The following TRIP12 variants were observed in gnomAD, a reference collection of about 807,000 sequenced individuals.
TRIP12 encodes thyroid hormone receptor interactor 12.
TRIP12 carries 25 observed loss-of-function variants against 244.2 expected under a neutral mutation model. That is an observed-to-expected ratio of 0.10 (90% confidence interval 0.07 to 0.14). The LOEUF is 0.14. Ranked by LOEUF, TRIP12 falls within the 10% of genes least tolerant of loss-of-function variation. The pLI is 1.00. For synonymous variants in TRIP12, 905 were observed against 873.1 expected (o/e 1.04, Z -0.64); for missense variants, 1,677 against 2,486.4 (o/e 0.67, Z 6.92).
chr2:229,792,701 G>T (rs2041856402), intron 27 of TRIP12, among the ~76,000 whole-genome samples: 1 of 152,140 alleles, frequency 6.6e-6, no homozygotes, highest in Admixed American at 6.5e-5. Context: ...CTATGAAGCA[G>T]AAAGGTCTAA....
intron 21 of TRIP12, among the ~76,000 whole-genome samples, chr2:229,801,390 T>G (rs762501454): frequency 3.9e-5 from 6 of 152,220 alleles, no homozygotes; most frequent in East Asian, 3.8e-4. Flanking sequence ...CTACCTGAGT[T>G]GGCTGCCTGC....
At chr2:229,833,416 T>C (rs1182171348) in intron 6 of TRIP12, among the ~76,000 whole-genome samples, 1 of 152,136 alleles carries the variant, frequency 6.6e-6, no homozygotes, top group Non-Finnish European at 1.5e-5. Flanking sequence ...GCCTCCTGAG[T>C]AGCTGGTACC....
rs150612916 is a variant in TRIP12 at position 229,805,425 on chromosome 2, G to A, written c.2650+305C>T. ...GCAGGAAGGTATAAAATACAAGGTTGGAAAGAACTAGTCAATGGATCTAAA... is the reference window on the plus strand; with the variant it reads ...GCAGGAAGGTATAAAATACAAGGTTAGAAAGAACTAGTCAATGGATCTAAA... On this transcript the variant is annotated intron_variant, in intron 18 of 41. Coordinates refer to ENST00000675903, the MANE Select transcript of TRIP12 (RefSeq NM_001348323.3). Among the ~76,000 whole-genome samples the A allele has an allele frequency of 2.3e-4, 35 of 152,040 alleles. No homozygotes were observed. The East Asian group carries it at 5.8e-3, about 25-fold the overall frequency.
Position 229,769,161 on chromosome 2 carries a change from G to A in TRIP12, c.5903+70C>T, listed in dbSNP as rs1053523688. On this transcript the variant is annotated intron_variant, in intron 40 of 41. Transcript: ENST00000675903. ...TTGTTGTTTACACATGTGCGCATGT[G>A]TGTGTACACACACACCCCTCTCCAC... is the stretch of plus-strand genomic sequence containing the variant. 3.7e-5 allele frequency: 51 copies of A among 1,363,426 alleles called. No homozygotes were observed. The Middle Eastern group carries it at 7.3e-4, about 19-fold the overall frequency. 84.5% of individuals were successfully genotyped at this position (1,363,426 alleles called of 1,614,324 possible). A position where few individuals can be genotyped will look rare whatever the true frequency, so the allele number is the denominator to read the frequency against.
chr2:229,796,817 T>G, intron 24 of TRIP12, 35 bp from the exon 25 acceptor site: 1 of 1,513,340 alleles, frequency 6.6e-7, no homozygotes, highest in Non-Finnish European at 8.8e-7. Flanking sequence ...CTATATTGAT[T>G]TAAGCAGCAC....
In TRIP12 at chr2:229,810,888, A is replaced by G. The variant is rs1182129623; in HGVS notation, c.2213T>C (p.Met738Thr). Residue 738 changes from methionine (M) to threonine (T), a missense_variant, in exon 15 of 42, where the codon ATG becomes ACG. By Grantham distance (81) the Met-to-Thr change is moderately conservative (BLOSUM62 -1). Coordinates refer to ENST00000675903, the MANE Select transcript of TRIP12 (RefSeq NM_001348323.3). Reference sequence around the variant, plus strand: ...AGTAAATTTGCACTTACTTTGTTTCATAAGTTGAACAGCTAAAGTTGGACA... The same window carrying G: ...AGTAAATTTGCACTTACTTTGTTTCGTAAGTTGAACAGCTAAAGTTGGACA... The part of the protein sequence containing the change: ...SNCPTLAVQL[M>T]KQNIAETLHF... 5.6e-6 allele frequency: 9 copies of G among 1,613,032 alleles called. No individual in the cohort carries two copies. Among genetic ancestry groups the G allele is most frequent in the East Asian group, 4.5e-5 (2 of 44,864 alleles).
At position 229,811,124 on chromosome 2, in the gene TRIP12, C is replaced by CTA. The variant is rs927625379; in HGVS notation, c.2055+10_2055+11dup. ...AACCTCATAAAAATACTACCAAAGA[C>CTA]TAAACACTTACCTCCTCATGCTGGA... On this transcript the variant is annotated intron_variant, in intron 14 of 41. Coordinates refer to ENST00000675903, the MANE Select transcript of TRIP12 (RefSeq NM_001348323.3). The CTA allele has an allele frequency of 6.2e-7, 1 of 1,613,994 alleles. No homozygotes were observed.
chr2:229,798,852 A>G lies in TRIP12; in HGVS notation c.3482+23T>C, dbSNP rs375720968. On this transcript the variant is annotated intron_variant, in intron 23 of 41. Coordinates refer to ENST00000675903, the MANE Select transcript of TRIP12 (RefSeq NM_001348323.3). ...TTTTTCTGATATGGGAATAGAAGAAACATAAAACTCCCCCCACTTCACCTA... is the reference window on the plus strand; with the variant it reads ...TTTTTCTGATATGGGAATAGAAGAAGCATAAAACTCCCCCCACTTCACCTA... The G allele has an allele frequency of 2.6e-5, 42 of 1,610,080 alleles. No individual in the cohort carries two copies. In the African/African-American group the frequency reaches 4.5e-4, roughly 17 times the overall value.
In TRIP12 at chr2:229,764,659, A is replaced by T. The variant is rs962163887; in HGVS notation, c.*2895T>A. On this transcript the variant is annotated 3_prime_UTR_variant, in exon 42 of 42. Transcript: ENST00000675903. The stretch of plus-strand genomic sequence containing the variant: ...GCGACAGTCCTCAGTGTGGAAAATC[A>T]AGAGTTGTGGATCTAATTTCTTGGA... 1.3e-5 allele frequency: 2 copies of T among 152,216 alleles called. No individual in the cohort carries two copies. The highest frequency in any genetic ancestry group is 4.8e-5 in the African/African-American group (2 of 41,458). The allele number at this position is 152,216 out of a possible 1,614,324, so 9.4% of individuals were successfully genotyped here.
chr2:229,817,756 G>A lies in TRIP12; in HGVS notation c.1599+608C>T, dbSNP rs571029634. 3.0e-4 allele frequency among the ~76,000 whole-genome samples: 45 copies of A among 152,076 alleles called. No homozygotes were observed. The East Asian group carries it at 4.6e-3, about 16-fold the overall frequency. On this transcript the variant is annotated intron_variant, in intron 9 of 41. Transcript: ENST00000675903. The stretch of plus-strand genomic sequence containing the variant: ...TCTACAGGCACCTGCAACCATGCCC[G>A]GCTAATTTTTGTATTTTTAGTAGAG...
At chr2:229,894,669 G>C (rs1431832312) in intron 1 of TRIP12, among the ~76,000 whole-genome samples, 1 of 152,206 alleles carries the variant, frequency 6.6e-6, no homozygotes, top group African/African-American at 2.4e-5. Flanking sequence ...GTGTGGCCAA[G>C]ATTTGTAGGC....
chr2:229,921,655 G>GCGGCCGCCCTCGAGCGTCT (rs1249662914), intron 1 of TRIP12: 1 of 152,098 alleles, frequency 6.6e-6, no homozygotes, highest in Non-Finnish European at 1.5e-5. Context: ...CCCTCCGGCC[G>GCGGCCGCCCTCGAGCGTCT]CGGCCGCCCT....
At chr2:229,845,170 C>T (rs2057317213) in intron 4 of TRIP12, among the ~76,000 whole-genome samples, 2 of 152,194 alleles carry the variant, frequency 1.3e-5, no homozygotes, top group African/African-American at 4.8e-5. Flanking sequence ...CAAGTGCTAT[C>T]TTCATTTGAC....
chr2:229,919,570 A>G (rs981984759), intron 1 of TRIP12, among the ~76,000 whole-genome samples: 5 of 152,172 alleles, frequency 3.3e-5, no homozygotes, highest in African/African-American at 1.2e-4. Context: ...CACCTTCTGG[A>G]ACCTAACTGC....
chr2:229,771,674 A>C (rs201309921), intron 38 of TRIP12, 42 bp from the exon 39 acceptor site: 1 of 1,475,474 alleles, frequency 6.8e-7, no homozygotes, highest in African/African-American at 1.4e-5. Flanking sequence ...CAAGATTTCA[A>C]ATCTCTTTAC....
intron 4 of TRIP12, among the ~76,000 whole-genome samples, chr2:229,853,228 A>G (rs1330355540): frequency 6.6e-6 from 1 of 152,206 alleles, no homozygotes; most frequent in Non-Finnish European, 1.5e-5. Flanking sequence ...AACCTACCCA[A>G]TGTGAAATTT....
At chr2:229,773,744 C>A (rs74001426) in intron 38 of TRIP12, 7,664 of 189,666 alleles carry the variant, frequency 0.04, 618 homozygotes, top group African/African-American at 0.17. Context: ...CTGCACGGTG[C>A]CTGGAGTAAA....
upstream of TRIP12, chr2:229,922,631 C>T: frequency 6.2e-7 from 1 of 1,612,190 alleles, no homozygotes. Context: ...CCGCGGTTTA[C>T]CCTCTCTCCT....
intron 8 of TRIP12, among the ~76,000 whole-genome samples, chr2:229,825,181 CTA>C (rs1245015865): frequency 6.6e-6 from 1 of 152,078 alleles, no homozygotes; most frequent in Non-Finnish European, 1.5e-5. Context: ...AAATGAGTCA[CTA>C]TATTATAATT....
Sources: allele counts gnomAD v4.1 joint callset (sites outside exome capture counted in the v4.1 genomes callset), GRCh38; gene constraint gnomAD v4.1.1; transcripts MANE v1.5; gene names NCBI Gene and HGNC (gene_info 2026-07-23, HGNC 2026-07-21).